The following PDHX variants were observed in gnomAD, a reference collection of about 807,000 sequenced individuals.
PDHX encodes pyruvate dehydrogenase protein X component, mitochondrial.
Under a neutral mutation model 55.3 loss-of-function variants are expected in PDHX, and 33 were observed. That is an observed-to-expected ratio of 0.60 (90% CI 0.45 to 0.80). PDHX has a LOEUF of 0.80. PDHX is among the 30% of genes least tolerant of loss of function. PDHX has a pLI of 0.00. For synonymous variants in PDHX, 226 were observed against 219.4 expected, an observed-to-expected ratio of 1.03 and a Z score of -0.27; for missense variants, 622 against 619.9, an observed-to-expected ratio of 1.00 and a Z score of -0.04.
At chr11:34,926,654 A>C (rs1352232312) in intron 1 of PDHX, among the ~76,000 whole-genome samples, 1 of 113,484 alleles carries the variant, frequency 8.8e-6, no homozygotes, top group Non-Finnish European at 1.9e-5. Flanking sequence ...GTATTTTAAG[A>C]GTTTGCTTGT....
At chr11:34,938,929 T>A (rs1432165550) in intron 2 of PDHX, among the ~76,000 whole-genome samples, 3 of 152,230 alleles carry the variant, frequency 2.0e-5, no homozygotes, top group Non-Finnish European at 4.4e-5. Context: ...GGGAAATTTG[T>A]TTTTGCCAAA....
At chr11:34,916,345 G>T (rs1489670708), upstream of PDHX, 2 of 1,594,746 alleles carry the variant, frequency 1.3e-6, no homozygotes, top group Middle Eastern at 1.7e-4. Context: ...GCGGCGCTTA[G>T]CCTGGGATAC....
At chr11:34,989,025 AG>A (rs1198815634) in intron 9 of PDHX, among the ~76,000 whole-genome samples, 1 of 152,246 alleles carries the variant, frequency 6.6e-6, no homozygotes, top group Non-Finnish European at 1.5e-5. Context: ...ATGCATGGTT[AG>A]GCGATTTTGT....
chr11:34,934,985 A>T (rs1268707731), intron 2 of PDHX, among the ~76,000 whole-genome samples: 1 of 152,088 alleles, frequency 6.6e-6, no homozygotes. Context: ...CTTACGAATA[A>T]AATGACAGTA....
At position 34,994,988 on chromosome 11, in the gene PDHX, C is replaced by A. The variant is rs750513249; in HGVS notation, c.1322C>A (p.Ala441Glu). Reference protein sequence around the residue: ...VINPPQACILAVGRFRPVLKL... With the variant: ...VINPPQACILEVGRFRPVLKL... ...AACCCTCCTCAGGCCTGCATTTTGG[C>A]GGTTGGGAGGTTCCGACCTGTGCTG... Residue 441 changes from alanine (A) to glutamate (E), a missense_variant, in exon 11 of 11, where the codon GCG (alanine) becomes GAG (glutamate). Transcript: ENST00000227868. 2 of 1,613,810 alleles carry A rather than the reference C, an allele frequency of 1.2e-6. No individual in the cohort carries two copies. The highest frequency in any genetic ancestry group is 8.5e-7 in the Non-Finnish European group (1 of 1,179,908).
chr11:34,972,764 A>G (rs1272170305), intron 7 of PDHX, among the ~76,000 whole-genome samples: 2 of 152,160 alleles, frequency 1.3e-5, no homozygotes, highest in African/African-American at 4.8e-5. Context: ...TCTTTGATCG[A>G]TGAGTTATTT....
intron 2 of PDHX, among the ~76,000 whole-genome samples, chr11:34,933,226 G>A (rs1342519243): frequency 1.3e-5 from 2 of 152,156 alleles, no homozygotes; most frequent in South Asian, 2.1e-4. Context: ...AGATTGAAAC[G>A]AGACAGGTGA....
chr11:34,938,547 A>G (rs550823696), intron 2 of PDHX, among the ~76,000 whole-genome samples: 2 of 152,348 alleles, frequency 1.3e-5, no homozygotes, highest in East Asian at 1.9e-4. Flanking sequence ...GGCTATTTCC[A>G]TATTCGATAT....
At chr11:34,975,995 G>A (rs1855362002) in intron 7 of PDHX, among the ~76,000 whole-genome samples, 1 of 152,142 alleles carries the variant, frequency 6.6e-6, no homozygotes, top group South Asian at 2.1e-4. Flanking sequence ...TCTAAAAAAT[G>A]AACCCTGGAA....
chr11:34,931,205 A>C (rs189586758), intron 1 of PDHX, among the ~76,000 whole-genome samples, 199 bp from the exon 2 acceptor site: 260 of 152,302 alleles, frequency 1.7e-3, no homozygotes, highest in African/African-American at 5.7e-3. Context: ...CCCAAAAAAC[A>C]CTTTTGTGGT....
chr11:34,974,585 C>A (rs1855326348), intron 7 of PDHX, among the ~76,000 whole-genome samples: 1 of 152,126 alleles, frequency 6.6e-6, no homozygotes, highest in African/African-American at 2.4e-5. Flanking sequence ...TAAGGAGCTA[C>A]CATACTGTTT....
Position 34,995,099 on chromosome 11 carries a change from TTGA to T in PDHX, c.1437_1439del (p.Asp480del). On this transcript the variant is annotated inframe_deletion, in exon 11 of 11. Coordinates refer to ENST00000227868, the MANE Select transcript of PDHX (RefSeq NM_003477.3). The stretch of plus-strand genomic sequence containing the variant: ...ACAATGTCAAGTGACAGTCGAGTGG[TTGA>T]TGACGAACTGGCAACCAGGTTTCTT... 6.2e-7 allele frequency: 1 copy of T among 1,614,032 alleles called. No individual in the cohort carries two copies. The highest frequency in any genetic ancestry group is 1.1e-5 in the South Asian group (1 of 91,080).
chr11:34,991,926 A>C lies in PDHX; in HGVS notation c.1183-389A>C, dbSNP rs1342975698. ...CTTCTCAAAAAAAAAAAAAAAAAAA[A>C]AACTAAAAAACACTAGATTGACCAG... On this transcript the variant is annotated intron_variant, in intron 9 of 10. Transcript: ENST00000227868. Among the ~76,000 whole-genome samples the C allele has an allele frequency of 2.6e-5, 4 of 151,360 alleles. No individual in the cohort carries two copies. In the South Asian group the frequency reaches 6.2e-4, roughly 24 times the overall value.
chr11:34,931,420 A>G lies in PDHX; in HGVS notation c.177A>G (p.Ile59Met), dbSNP rs1249326171. ...TQWLRGDPIK[I>M]LMPSLSPTME... Reference sequence around the variant, plus strand: ...CAATTTCAGGTGATCCCATTAAGATACTAATGCCATCACTGTCTCCTACAA... The same window carrying G: ...CAATTTCAGGTGATCCCATTAAGATGCTAATGCCATCACTGTCTCCTACAA... The change falls in exon 2 of 11, where the codon ATA becomes ATG. Residue 59 changes from isoleucine (I) to methionine (M), a missense_variant. Physicochemically the swap from Ile to Met is conservative, Grantham distance 10 (BLOSUM62 1). Transcript: ENST00000227868. 2 of 1,599,874 alleles carry G rather than the reference A, an allele frequency of 1.3e-6. No individual in the cohort carries two copies. The highest frequency in any genetic ancestry group is 1.7e-5 in the Admixed American group (1 of 59,852).
intron 8 of PDHX, 118 bp from the exon 9 acceptor site, chr11:34,984,452 T>G (rs1179920961): frequency 7.3e-6 from 6 of 818,748 alleles, no homozygotes; most frequent in African/African-American, 1.7e-5. Flanking sequence ...GAAATTTTTA[T>G]TTATTTTCTC....
Position 34,978,710 on chromosome 11 carries a change from G to A in PDHX, c.1023+528G>A, listed in dbSNP as rs566649073. Among the ~76,000 whole-genome samples, 167 of 152,168 alleles carry A rather than the reference G, an allele frequency of 1.1e-3. 2 individuals are homozygous for A. Among genetic ancestry groups the A allele is most frequent in the African/African-American group, 3.8e-3 (159 of 41,516 alleles). On this transcript the variant is annotated intron_variant, in intron 8 of 10. Transcript: ENST00000227868. ...ACACCAAGGCTGCAAGCAGAGGATC[G>A]CATTAACCAAAGATGTGGTGCTGAG...
At chr11:34,926,621 A>G (rs184737963) in intron 1 of PDHX, among the ~76,000 whole-genome samples, 2 of 152,228 alleles carry the variant, frequency 1.3e-5, no homozygotes, top group East Asian at 1.9e-4. Context: ...CATATTAACC[A>G]TAAAGCAGTT....
At position 34,995,113 on chromosome 11, in the gene PDHX, G is replaced by T. The variant is rs1311171292; in HGVS notation, c.1447G>T (p.Ala483Ser). Residue 483 changes from alanine (A) to serine (S), a missense_variant, in exon 11 of 11, where the codon GCA (alanine) becomes TCA (serine). Physicochemically the swap from Ala to Ser is moderately conservative, Grantham distance 99 (BLOSUM62 1). Transcript: ENST00000227868. ...CAGTCGAGTGGTTGATGACGAACTG[G>T]CAACCAGGTTTCTTAAAAGTTTTAA... ...SDSRVVDDEL[A>S]TRFLKSFKAN... 3.1e-6 allele frequency: 5 copies of T among 1,613,992 alleles called. No homozygotes were observed. The highest frequency in any genetic ancestry group is 4.2e-6 in the Non-Finnish European group (5 of 1,179,884).
rs77711161 is a variant in PDHX, at chr11:34,976,644, A to G, written c.965-1480A>G. On this transcript the variant is annotated intron_variant, in intron 7 of 10. Coordinates refer to ENST00000227868, the MANE Select transcript of PDHX (RefSeq NM_003477.3). ...CCAACATTGAGAGGAAAGGAATAAA[A>G]ATGAGTGAGTGGGCAGAAAGTGGAA... Among the ~76,000 whole-genome samples the G allele has an allele frequency of 5.3e-4, 81 of 152,246 alleles. No homozygotes were observed. The East Asian group carries it at 0.015, about 28-fold the overall frequency.
Sources: gnomAD v4.1 joint callset for allele counts (sites outside exome capture counted in the v4.1 genomes callset) on GRCh38, gnomAD v4.1.1 for gene constraint, MANE v1.5 for transcripts, NCBI Gene and HGNC (gene_info 2026-07-23, HGNC 2026-07-21) for gene names.